ATP2C2: variants seen among roughly 807,000 people sequenced by gnomAD.
The protein encoded by ATP2C2 is calcium-transporting ATPase type 2C member 2.
A neutral mutation model predicts 110.8 loss-of-function variants in ATP2C2; 171 were observed. That is an observed-to-expected ratio of 1.54 (90% CI 1.36 to 1.75). The LOEUF (loss-of-function observed/expected upper bound fraction) is 1.75, where lower values mean the gene tolerates loss of function less well. ATP2C2 is among the 40% of genes most tolerant of loss of function. The pLI is 0.00. For missense variants in ATP2C2, 1,963 were observed against 1,235.0 expected, an observed-to-expected ratio of 1.59 and a Z score of -8.84; for synonymous variants, 804 against 508.4, an observed-to-expected ratio of 1.58 and a Z score of -7.82.
In ATP2C2 at chr16:84,463,524, T is replaced by G. The variant is rs1755981050; in HGVS notation, c.2723-90T>G. The G allele has an allele frequency of 2.7e-5, 30 of 1,097,850 alleles. No individual in the cohort carries two copies. In the South Asian group the frequency reaches 3.7e-4, roughly 13 times the overall value. The allele number at this position is 1,097,850 out of a possible 1,614,324, so 68.0% of individuals were successfully genotyped here. A position where few individuals can be genotyped will look rare whatever the true frequency, so the allele number is the denominator to read the frequency against. On this transcript the variant is annotated intron_variant, in intron 26 of 26. Coordinates refer to ENST00000262429, the MANE Select transcript of ATP2C2 (RefSeq NM_014861.4). The stretch of plus-strand genomic sequence containing the variant: ...GGGCTGGTCCTCCGCACCTCTCACT[T>G]TATCAGGAGGACTGGCAGGGAAGGC...
chr16:84,384,343 C>T (rs1904294240), intron 1 of ATP2C2, among the ~76,000 whole-genome samples: 2 of 152,168 alleles, frequency 1.3e-5, no homozygotes, highest in Admixed American at 6.5e-5. Context: ...TCGGGGACGT[C>T]ATAGGATGTC....
intron 15 of ATP2C2, among the ~76,000 whole-genome samples, chr16:84,443,765 A>G (rs1023884846): frequency 6.6e-6 from 1 of 151,808 alleles, no homozygotes; most frequent in African/African-American, 2.4e-5. Flanking sequence ...CAAGACTCCA[A>G]CCTCCCACAC....
chr16:84,426,694 G>A (rs1907842187), intron 11 of ATP2C2, among the ~76,000 whole-genome samples: 1 of 152,206 alleles, frequency 6.6e-6, no homozygotes, highest in Admixed American at 6.5e-5. Context: ...ACAGTGCAGA[G>A]TGAGTGTTGG....
At chr16:84,447,062 C>G (rs1909818141) in intron 16 of ATP2C2, among the ~76,000 whole-genome samples, 1 of 152,148 alleles carries the variant, frequency 6.6e-6, no homozygotes, top group Non-Finnish European at 1.5e-5. Context: ...ATTTTCTTTT[C>G]AGATTTGTTG....
At chr16:84,378,332 G>T (rs559316762) in intron 1 of ATP2C2, among the ~76,000 whole-genome samples, 4 of 152,104 alleles carry the variant, frequency 2.6e-5, no homozygotes, top group African/African-American at 7.2e-5. Flanking sequence ...CTCCGTCGCC[G>T]GCCACATGGA....
At chr16:84,382,192 G>A (rs532886898) in intron 1 of ATP2C2, among the ~76,000 whole-genome samples, 2 of 152,064 alleles carry the variant, frequency 1.3e-5, no homozygotes, top group South Asian at 2.1e-4. Context: ...GTGTCCATGC[G>A]TTCTCATTGT....
chr16:84,442,736 T>C, intron 15 of ATP2C2, 137 bp downstream of exon 15: 2 of 797,586 alleles, frequency 2.5e-6, no homozygotes, highest in Admixed American at 2.2e-5. Context: ...CACACTGGCC[T>C]TGGGCCATCT....
chr16:84,431,794 T>C (rs1908304601), intron 11 of ATP2C2, among the ~76,000 whole-genome samples: 1 of 152,138 alleles, frequency 6.6e-6, no homozygotes, highest in South Asian at 2.1e-4. Flanking sequence ...CCAGGCTGTC[T>C]CTGTGACACT....
rs186749360 is a variant in ATP2C2, at chr16:84,373,507, C to T, written c.99+4793C>T. On this transcript the variant is annotated intron_variant, in intron 1 of 26. Coordinates refer to ENST00000262429, the MANE Select transcript of ATP2C2 (RefSeq NM_014861.4). ...AGAGCGAGACTCCATCTCAAAACAA[C>T]AACAACAAAAAAAGAGACTGGAAAC... is the stretch of plus-strand genomic sequence containing the variant. 6.4e-3 allele frequency among the ~76,000 whole-genome samples: 974 copies of T among 151,934 alleles called. 5 individuals are homozygous for T. Among genetic ancestry groups the T allele is most frequent in the Non-Finnish European group, 8.2e-3 (557 of 67,918 alleles).
intron 3 of ATP2C2, 51 bp from the exon 4 acceptor site, chr16:84,408,354 T>C: frequency 6.4e-7 from 1 of 1,553,264 alleles, no homozygotes; most frequent in Non-Finnish European, 8.9e-7. Context: ...AGAAACCCAT[T>C]CTGGTCCCTG....
chr16:84,443,804 G>T lies in ATP2C2; in HGVS notation c.1401+1205G>T, dbSNP rs541532643. 4.6e-5 allele frequency among the ~76,000 whole-genome samples: 7 copies of T among 152,256 alleles called. No homozygotes were observed. The East Asian group carries it at 1.2e-3, about 25-fold the overall frequency. On this transcript the variant is annotated intron_variant, in intron 15 of 26. Transcript: ENST00000262429. The stretch of plus-strand genomic sequence containing the variant: ...TGCCTTCCCAAAGCTGGTGCTGGGC[G>T]GGGGAGAGGTGGTCGCCCTCTCATA...
chr16:84,369,732 G>C (rs1246821071), intron 1 of ATP2C2, among the ~76,000 whole-genome samples: 1 of 152,066 alleles, frequency 6.6e-6, no homozygotes, highest in Non-Finnish European at 1.5e-5. Flanking sequence ...AAAACATTTT[G>C]TTTGTGAGAT....
Position 84,408,291 on chromosome 16 carries a change from C to T in ATP2C2, c.328-114C>T, listed in dbSNP as rs560788182. ...AGCCCTCGGTCACCATGGTGTTGAC[C>T]TGGAAGCCTGGCCCTGAACTGAGAC... On this transcript the variant is annotated intron_variant, in intron 3 of 26. Transcript: ENST00000262429. 4.8e-5 allele frequency: 47 copies of T among 984,926 alleles called. No individual in the cohort carries two copies. In the African/African-American group the frequency reaches 5.3e-4, roughly 11 times the overall value. The allele number at this position is 984,926 out of a possible 1,614,324, so 61.0% of individuals were successfully genotyped here. A position where few individuals can be genotyped will look rare whatever the true frequency, so the allele number is the denominator to read the frequency against.
At position 84,449,827 on chromosome 16, in the gene ATP2C2, G is replaced by A. The variant is rs148645363; in HGVS notation, c.1660+1138G>A. ...CTTGTCACATCACGCCTCTGCTGAC[G>A]AAATGGCTCACTTAAGAGTGGACAC... On this transcript the variant is annotated intron_variant, in intron 17 of 26. Coordinates refer to ENST00000262429, the MANE Select transcript of ATP2C2 (RefSeq NM_014861.4). 5.3e-5 allele frequency among the ~76,000 whole-genome samples: 8 copies of A among 152,206 alleles called. No homozygotes were observed. In the East Asian group the frequency reaches 5.8e-4, roughly 11 times the overall value.
rs1567742741 is a variant in ATP2C2 at position 84,454,914 on chromosome 16, C to T, written c.2077C>T (p.Gln693Ter). 3 of 1,613,982 alleles carry T rather than the reference C, an allele frequency of 1.9e-6. No individual in the cohort carries two copies. Among genetic ancestry groups the T allele is most frequent in the Admixed American group, 1.7e-5 (1 of 59,966 alleles). Residue 693 changes from glutamine (Q) to a stop codon, truncating the protein, a stop_gained, in exon 21 of 27, where the codon CAG becomes TAG. Transcript: ENST00000262429. LOFTEE classifies it high-confidence loss of function. ...TGCAGACATTGGGATCGCCATGGGG[C>T]AGACAGGGACGGACGTCAGCAAAGA... ...KSADIGIAMG[Q>*]TGTDVSKEAA... is the part of the protein sequence containing the mutation.
intron 20 of ATP2C2, among the ~76,000 whole-genome samples, chr16:84,454,107 C>G (rs1248021771): frequency 1.3e-5 from 2 of 152,170 alleles, no homozygotes; most frequent in Admixed American, 6.5e-5. Context: ...TCCCAAAGTG[C>G]TGGGTGCTTT....
chr16:84,397,774 G>A (rs1422238649), intron 1 of ATP2C2, among the ~76,000 whole-genome samples: 2 of 151,478 alleles, frequency 1.3e-5, no homozygotes, highest in Admixed American at 6.6e-5. Flanking sequence ...TACTCATACA[G>A]TGGAATACTA....
intron 3 of ATP2C2, chr16:84,406,550 C>G (rs1284961548): frequency 4.1e-6 from 4 of 974,074 alleles, no homozygotes; most frequent in Non-Finnish European, 4.9e-6. Flanking sequence ...CATCCTCTGT[C>G]TCCACTCTCC....
At chr16:84,410,854 C>A in intron 6 of ATP2C2, 89 bp downstream of exon 6, 1 of 1,331,764 alleles carries the variant, frequency 7.5e-7, no homozygotes, top group Non-Finnish European at 1.1e-6. Context: ...AAGTTGTATC[C>A]TTGGTAGTGT....
Sources: allele counts gnomAD v4.1 joint callset (sites outside exome capture counted in the v4.1 genomes callset), GRCh38; gene constraint gnomAD v4.1.1; transcripts MANE v1.5; gene names NCBI Gene and HGNC (gene_info 2026-07-23, HGNC 2026-07-21).